Variants in ATR observed in about 807,000 individuals in gnomAD.
ATR encodes ATR checkpoint kinase.
ATR carries 142 observed loss-of-function variants against 305.3 expected under a neutral mutation model. The observed-to-expected ratio is 0.47, with a 90% confidence interval of 0.41 to 0.53. ATR has a LOEUF of 0.53. Ranked by LOEUF, ATR falls within the 20% of genes least tolerant of loss-of-function variation. ATR has a pLI of 0.00. For synonymous variants in ATR, 1,050 were observed against 1,068.1 expected, an observed-to-expected ratio of 0.98 and a Z score of 0.33; for missense variants, 2,135 against 3,133.1, an observed-to-expected ratio of 0.68 and a Z score of 7.60.
intron 35 of ATR, among the ~76,000 whole-genome samples, chr3:142,486,981 A>C (rs145653717): frequency 6.9e-6 from 1 of 145,258 alleles, no homozygotes; most frequent in Non-Finnish European, 1.5e-5. Context: ...AAAAAAAAAA[A>C]CAATTAGCCG....
In ATR at chr3:142,562,606, C is replaced by A; in HGVS notation, c.796G>T (p.Ala266Ser). 6.2e-7 allele frequency: 1 copy of A among 1,614,048 alleles called. No homozygotes were observed. The change falls in exon 4 of 47, where the codon GCT becomes TCT. Residue 266 changes from alanine to serine, a missense_variant. Around this residue, in one of 9 missense-constraint regions of ATR, gnomAD observed 744 missense variants for 873.2 expected, o/e 0.85. Transcript: ENST00000350721. ...AAAAATGAGCTGAAAAAAGTGCTAG[C>A]TGGTTGTGCTGGTAGTCCTCCAAGC... ...FQLGGLPAQP[A>S]STFFSSFLEL...
chr3:142,578,588 A>C, intron 1 of ATR, 58 bp downstream of exon 1: 1 of 1,570,508 alleles, frequency 6.4e-7, no homozygotes, highest in Non-Finnish European at 8.7e-7. Flanking sequence ...AGAGCACGTG[A>C]AACCCAAGCC....
At chr3:142,515,646 C>T (rs371213966) in intron 24 of ATR, 131 bp from the exon 25 acceptor site, 19 of 1,019,380 alleles carry the variant, frequency 1.9e-5, no homozygotes, top group East Asian at 5.3e-5. Flanking sequence ...TACCTTTTTC[C>T]AGTATCCTTC....
chr3:142,559,529 A>G (rs2034802709), intron 6 of ATR, 88 bp from the exon 7 acceptor site: 1 of 1,289,018 alleles, frequency 7.8e-7, no homozygotes, highest in East Asian at 2.4e-5. Flanking sequence ...GCCAAAAGAA[A>G]TTGTGAGTAC....
intron 35 of ATR, among the ~76,000 whole-genome samples, chr3:142,491,378 ATGCAGAAGAAAC>A (rs541697385): frequency 2.5e-3 from 379 of 152,340 alleles, no homozygotes; most frequent in Non-Finnish European, 4.4e-3. Flanking sequence ...TTAGGGGTGT[ATGCAGAAGAAAC>A]AGAACCTGAA....
rs1234461384 is a variant in ATR at position 142,523,972 on chromosome 3, T to C, written c.4152+21A>G. On this transcript the variant is annotated intron_variant, in intron 22 of 46. Coordinates refer to ENST00000350721, the MANE Select transcript of ATR (RefSeq NM_001184.4). ...AATAGGACAGAGAACTCTTTTGTCA[T>C]TCCAAATTTCCACTACTTACCACAA... 21 of 1,605,256 alleles carry C rather than the reference T, an allele frequency of 1.3e-5. 1 individual carries two copies. Among genetic ancestry groups the C allele is most frequent in the Middle Eastern group, 1.7e-4 (1 of 6,060 alleles).
chr3:142,469,571 T>TG lies in ATR; in HGVS notation c.6320-3dup. ...TTTGTACACGATCGGAGCGGCCAGCTGGGGGAAGAAATAAGTTTAAAAAAC... is the reference window on the plus strand; with the variant it reads ...TTTGTACACGATCGGAGCGGCCAGCTGGGGGGAAGAAATAAGTTTAAAAAAC... On this transcript the variant is annotated splice_polypyrimidine_tract_variant and splice_region_variant and intron_variant, in intron 37 of 46. Coordinates refer to ENST00000350721, the MANE Select transcript of ATR (RefSeq NM_001184.4). 1.2e-6 allele frequency: 2 copies of TG among 1,605,942 alleles called. No individual in the cohort carries two copies. Among genetic ancestry groups the TG allele is most frequent in the Non-Finnish European group, 1.7e-6 (2 of 1,172,720 alleles).
intron 36 of ATR, among the ~76,000 whole-genome samples, chr3:142,483,800 TCCAGCCTG>T (rs145023630): frequency 0.041 from 6,244 of 151,656 alleles, 416 homozygotes; most frequent in African/African-American, 0.14. Flanking sequence ...GCCATTGCAC[TCCAGCCTG>T]GGCGACAGAG....
chr3:142,552,638 C>G (rs1203787841), intron 13 of ATR, among the ~76,000 whole-genome samples: 1 of 145,650 alleles, frequency 6.9e-6, no homozygotes, highest in South Asian at 2.2e-4. Context: ...CCATTGCACT[C>G]CAGCCTGGAC....
At chr3:142,557,274 C>T (rs1475733432) in intron 8 of ATR, among the ~76,000 whole-genome samples, 1 of 151,996 alleles carries the variant, frequency 6.6e-6, no homozygotes, top group Admixed American at 6.6e-5. Context: ...ACTTTTCAAA[C>T]AGCAAGGACT....
intron 21 of ATR, among the ~76,000 whole-genome samples, chr3:142,530,914 CTCTT>C (rs1367893224): frequency 6.6e-6 from 1 of 152,178 alleles, no homozygotes; most frequent in Non-Finnish European, 1.5e-5. Flanking sequence ...GAGTATGACT[CTCTT>C]TCTGTTGGTG....
chr3:142,554,523 C>A (rs1336676936), intron 10 of ATR, among the ~76,000 whole-genome samples: 1 of 152,206 alleles, frequency 6.6e-6, no homozygotes, highest in Non-Finnish European at 1.5e-5. Context: ...CCACTGCACT[C>A]AGCCTATAAA....
chr3:142,518,693 CTG>C (rs1169379039), intron 24 of ATR, among the ~76,000 whole-genome samples: 1 of 152,086 alleles, frequency 6.6e-6, no homozygotes, highest in Admixed American at 6.5e-5. Context: ...TTTATAAAGA[CTG>C]TTAGTATAAG....
At position 142,513,635 on chromosome 3, in the gene ATR, G is replaced by T. The variant is rs754602382; in HGVS notation, c.4507C>A (p.Arg1503=). Residue 1503 remains arginine, a synonymous_variant, in exon 26 of 47, where the codon CGA becomes AGA. Transcript: ENST00000350721. ...AAAATTTTACTGGCAAGATCATGTC[G>T]AACCTGTAAATGCAAAATGTGTAGA... ...SWAGYLITKV[R]HDLASKIFTC... The T allele has an allele frequency of 3.7e-6, 6 of 1,613,388 alleles. No individual in the cohort carries two copies. The highest frequency in any genetic ancestry group is 5.1e-6 in the Non-Finnish European group (6 of 1,179,608).
rs144427735 is a variant in ATR, at chr3:142,457,627, A to T, written c.7632T>A (p.Arg2544=). The change falls in exon 45 of 47, where the codon CGT becomes CGA. Residue 2544 remains arginine, a synonymous_variant. Coordinates refer to ENST00000350721, the MANE Select transcript of ATR (RefSeq NM_001184.4). ...RACEVTMRLM[R]DQREPLMSVL... ...ACCTCATTAAAGGCTCTCGCTGATC[A>T]CGCATCAGCCTCATTGTAACTTCAC... 1.3e-4 allele frequency: 207 copies of T among 1,613,960 alleles called. No individual in the cohort carries two copies. In the African/African-American group the frequency reaches 2.5e-3, roughly 20 times the overall value.
chr3:142,562,755 A>G lies in ATR; in HGVS notation c.647T>C (p.Ile216Thr), dbSNP rs776894408. ...EVTLLMVLTR[I>T]IAIVFFRRQE... ...CCTTCTAAAAAACACAATTGCAATA[A>G]TACGAGTAAGAACCATTAATAAAGT... The change falls in exon 4 of 47, where the codon ATT becomes ACT. Residue 216 changes from isoleucine to threonine, a missense_variant. This residue lies in a region of ATR where 744 missense variants were observed against 873.2 expected (regional missense o/e 0.85). Transcript: ENST00000350721. 3 of 1,613,190 alleles carry G rather than the reference A, an allele frequency of 1.9e-6. No individual in the cohort carries two copies. The highest frequency in any genetic ancestry group is 1.7e-5 in the Admixed American group (1 of 59,848).
chr3:142,474,916 A>T (rs191328425), intron 36 of ATR, among the ~76,000 whole-genome samples: 2,556 of 151,444 alleles, frequency 0.017, 49 homozygotes, highest in African/African-American at 0.044. Flanking sequence ...TTTTTTTTTT[A>T]AAAAAAGTTT....
At chr3:142,566,091 G>A (rs975936709) in intron 3 of ATR, 30 bp downstream of exon 3, 1 of 1,613,282 alleles carries the variant, frequency 6.2e-7, no homozygotes, top group African/African-American at 1.3e-5. Context: ...AGAACAGATG[G>A]CAAGTGAATG....
At chr3:142,514,093 C>T (rs1480413124) in intron 25 of ATR, among the ~76,000 whole-genome samples, 1 of 151,240 alleles carries the variant, frequency 6.6e-6, no homozygotes, top group Admixed American at 6.6e-5. Flanking sequence ...CATGGTGAAA[C>T]CCAGTCTCTA....
Sources: allele counts gnomAD v4.1 joint callset (sites outside exome capture counted in the v4.1 genomes callset), GRCh38; gene constraint gnomAD v4.1.1; regional missense constraint gnomAD v4.1.1; transcripts MANE v1.5; gene names NCBI Gene and HGNC (gene_info 2026-07-23, HGNC 2026-07-21).